The following MACROD2 variants were observed in gnomAD, a reference collection of about 807,000 sequenced individuals.
MACROD2 encodes the protein ADP-ribose glycohydrolase MACROD2.
A neutral mutation model predicts 70.4 loss-of-function variants in MACROD2; 36 were observed. That is an observed-to-expected ratio of 0.51 (90% confidence interval 0.39 to 0.68). MACROD2 has a LOEUF of 0.68. MACROD2 is among the 30% of genes least tolerant of loss of function. The pLI is 0.00. For missense variants in MACROD2, 496 were observed against 538.4 expected (o/e 0.92, Z 0.78); for synonymous variants, 172 against 178.8 (o/e 0.96, Z 0.30).
intron 7 of MACROD2, among the ~76,000 whole-genome samples, chr20:15,458,938 G>A (rs765964653): frequency 5.3e-5 from 8 of 152,018 alleles, no homozygotes; most frequent in Admixed American, 1.3e-4. Flanking sequence ...TTCAGCAGAC[G>A]TTCAAGGTCT....
chr20:15,021,190 ACACACACCTG>A, intron 5 of MACROD2, among the ~76,000 whole-genome samples: 1 of 121,430 alleles, frequency 8.2e-6, no homozygotes, highest in Non-Finnish European at 1.7e-5. Context: ...GTGTGCGTAT[ACACACACCTG>A]TGTGTATGTA....
chr20:14,465,098 T>C (rs1460544348), intron 3 of MACROD2, among the ~76,000 whole-genome samples: 2 of 152,086 alleles, frequency 1.3e-5, no homozygotes, highest in African/African-American at 2.4e-5. Context: ...CTTGTTAACT[T>C]TCTGTCTCAT....
chr20:14,887,146 G>T (rs2073687404), intron 5 of MACROD2, among the ~76,000 whole-genome samples: 1 of 152,038 alleles, frequency 6.6e-6, no homozygotes, highest in African/African-American at 2.4e-5. Context: ...GTGCATACAT[G>T]TGTGCATGTG....
intron 8 of MACROD2, among the ~76,000 whole-genome samples, chr20:15,612,385 CACTTTTAGCTA>C (rs1229966537): frequency 1.3e-5 from 2 of 152,196 alleles, no homozygotes; most frequent in Non-Finnish European, 2.9e-5. Context: ...TCCACATCCT[CACTTTTAGCTA>C]ACTTTGCATA....
intron 3 of MACROD2, chr20:14,127,739 T>C (rs1302903429): frequency 4.7e-6 from 2 of 424,534 alleles, no homozygotes; most frequent in Admixed American, 3.0e-5. Flanking sequence ...CCACATCTTC[T>C]GGTATCAAAG....
At chr20:15,089,634 C>T (rs2123160380) in intron 5 of MACROD2, among the ~76,000 whole-genome samples, 1 of 152,208 alleles carries the variant, frequency 6.6e-6, no homozygotes, top group South Asian at 2.1e-4. Flanking sequence ...CCTACATTAT[C>T]TGGGAACTTG....
chr20:14,812,569 TAATA>T (rs973952034), intron 5 of MACROD2, among the ~76,000 whole-genome samples: 9 of 151,972 alleles, frequency 5.9e-5, no homozygotes, highest in South Asian at 2.1e-4. Context: ...TAAAGTATAA[TAATA>T]AATAAATAAA....
intron 5 of MACROD2, among the ~76,000 whole-genome samples, chr20:14,699,298 T>C (rs907518972): frequency 4.6e-5 from 7 of 152,210 alleles, no homozygotes; most frequent in Non-Finnish European, 8.8e-5. Flanking sequence ...TGATTGAGAC[T>C]GCTAGCCCAA....
chr20:14,272,383 C>G (rs1272261977), intron 3 of MACROD2, among the ~76,000 whole-genome samples: 2 of 151,852 alleles, frequency 1.3e-5, no homozygotes, highest in South Asian at 4.2e-4. Flanking sequence ...AATTTCATAT[C>G]CAGCCAAACT....
intron 5 of MACROD2, among the ~76,000 whole-genome samples, chr20:15,054,923 C>T (rs954755139): frequency 8.0e-5 from 12 of 149,900 alleles, no homozygotes. Flanking sequence ...GCTGAGATTA[C>T]AGGCTTGTGC....
intron 5 of MACROD2, among the ~76,000 whole-genome samples, chr20:15,098,691 A>AT (rs553235628): frequency 1.7e-4 from 26 of 152,360 alleles, no homozygotes; most frequent in Admixed American, 6.5e-4. Context: ...CAATGGTCAA[A>AT]TAAAAGAAGT....
At chr20:14,274,424 G>A (rs1371145778) in intron 3 of MACROD2, among the ~76,000 whole-genome samples, 2 of 152,170 alleles carry the variant, frequency 1.3e-5, no homozygotes, top group South Asian at 2.1e-4. Flanking sequence ...ATGCAGAAAA[G>A]GCCTTTGACA....
chr20:14,002,502 T>G, intron 2 of MACROD2, 98 bp downstream of exon 2: 1 of 684,376 alleles, frequency 1.5e-6, no homozygotes, highest in South Asian at 2.3e-5. Context: ...GAGATTACTA[T>G]TTTGCTATTT....
At chr20:15,716,326 T>C (rs2050706997) in intron 8 of MACROD2, among the ~76,000 whole-genome samples, 1 of 152,222 alleles carries the variant, frequency 6.6e-6, no homozygotes, top group Non-Finnish European at 1.5e-5. Flanking sequence ...CTCCTCCAGA[T>C]ACATGGATTT....
chr20:14,026,242 A>C (rs1458106238), intron 2 of MACROD2, among the ~76,000 whole-genome samples: 1 of 152,168 alleles, frequency 6.6e-6, no homozygotes, highest in African/African-American at 2.4e-5. Context: ...GTGTCTTTGC[A>C]TGTGAGATGG....
intron 7 of MACROD2, among the ~76,000 whole-genome samples, chr20:15,448,384 T>C (rs541945462): frequency 6.6e-6 from 1 of 152,266 alleles, no homozygotes; most frequent in Non-Finnish European, 1.5e-5. Flanking sequence ...CTGGCGTCCC[T>C]GAGCAGATCA....
intron 6 of MACROD2, among the ~76,000 whole-genome samples, chr20:15,313,987 T>G (rs6135383): frequency 0.23 from 34,753 of 152,122 alleles, 4,150 homozygotes; most frequent in African/African-American, 0.28. Flanking sequence ...TTGTGATGCA[T>G]TAGTTAAGTT....
At chr20:15,580,578 C>G (rs563657528) in intron 8 of MACROD2, among the ~76,000 whole-genome samples, 1 of 152,318 alleles carries the variant, frequency 6.6e-6, no homozygotes, top group South Asian at 2.1e-4. Flanking sequence ...TTTCCTCAGG[C>G]TGAGAACACT....
chr20:14,752,083 C>CT (rs11482637), intron 5 of MACROD2, among the ~76,000 whole-genome samples: 14,986 of 126,822 alleles, frequency 0.12, 1,679 homozygotes, highest in African/African-American at 0.3. Flanking sequence ...ATCTCCTCAT[C>CT]TTTTTTTTTT....
Sources: allele counts gnomAD v4.1 joint callset (sites outside exome capture counted in the v4.1 genomes callset), GRCh38; gene constraint gnomAD v4.1.1; transcripts MANE v1.5; gene names NCBI Gene and HGNC (gene_info 2026-07-23, HGNC 2026-07-21).